Variants in VARS1 observed in about 807,000 individuals in gnomAD.
VARS1 encodes the protein valyl-tRNA synthetase 1, also known as valine--tRNA ligase.
A neutral mutation model predicts 161.0 loss-of-function variants in VARS1; 92 were observed. That is an observed-to-expected ratio of 0.57 (90% CI 0.48 to 0.68). VARS1 has a LOEUF of 0.68. Ranked by LOEUF, VARS1 falls within the 30% of genes least tolerant of loss-of-function variation. The pLI is 0.00. For synonymous variants in VARS1, 595 were observed against 682.5 expected (o/e 0.87, Z 2.00); for missense variants, 1,338 against 1,695.9 (o/e 0.79, Z 3.71).
intron 3 of VARS1, 25 bp from the exon 4 acceptor site, chr6:31,792,920 TCTC>T: frequency 6.2e-6 from 10 of 1,614,174 alleles, no homozygotes; most frequent in Non-Finnish European, 8.5e-6. Flanking sequence ...AAATGACTCT[TCTC>T]AGTCACCCTA....
intron 4 of VARS1, 117 bp from the exon 5 acceptor site, chr6:31,792,633 C>A (rs573539018): frequency 9.4e-6 from 15 of 1,590,304 alleles, no homozygotes; most frequent in Admixed American, 1.7e-5. Flanking sequence ...TGACCTCCCC[C>A]CTCTCCCTCC....
At position 31,782,016 on chromosome 6, in the gene VARS1, C is replaced by A; in HGVS notation, c.2242-64G>T. The stretch of plus-strand genomic sequence containing the variant: ...GCTTCTGGCTCACCCTGCCCCTCCC[C>A]CCACCAAGGACCCAGTAAACCCACC... On this transcript the variant is annotated intron_variant, in intron 18 of 29. Coordinates refer to ENST00000375663, the MANE Select transcript of VARS1 (RefSeq NM_006295.3). The surrounding 1 kb of genome is among the most constrained non-coding windows in gnomAD (Gnocchi z 8.3). 1 of 1,612,550 alleles carries A rather than the reference C, an allele frequency of 6.2e-7. No homozygotes were observed. Among genetic ancestry groups the A allele is most frequent in the South Asian group, 1.1e-5 (1 of 91,058 alleles).
Position 31,782,017 on chromosome 6 carries a change from C to T in VARS1, c.2242-65G>A. The T allele has an allele frequency of 1.9e-6, 3 of 1,612,506 alleles. No homozygotes were observed. The highest frequency in any genetic ancestry group is 1.3e-5 in the African/African-American group (1 of 74,922). ...CTTCTGGCTCACCCTGCCCCTCCCC[C>T]CACCAAGGACCCAGTAAACCCACCA... On this transcript the variant is annotated intron_variant, in intron 18 of 29. Coordinates refer to ENST00000375663, the MANE Select transcript of VARS1 (RefSeq NM_006295.3). The surrounding 1 kb of genome is among the most constrained non-coding windows in gnomAD (Gnocchi z 8.3).
At position 31,784,155 on chromosome 6, in the gene VARS1, A is replaced by C. The variant is rs1702854456; in HGVS notation, c.1671+59T>G. ...GGCCTAAGTCCAACCCCTCCACCCC[A>C]TAAGGATGGGAGCCCTTTTTGGCCA... On this transcript the variant is annotated intron_variant, in intron 13 of 29. Coordinates refer to ENST00000375663, the MANE Select transcript of VARS1 (RefSeq NM_006295.3). The surrounding 1 kb of genome is among the most constrained non-coding windows in gnomAD (Gnocchi z 6.1). The C allele has an allele frequency of 1.9e-6, 3 of 1,602,696 alleles. No individual in the cohort carries two copies. Among genetic ancestry groups the C allele is most frequent in the African/African-American group, 2.7e-5 (2 of 74,722 alleles).
chr6:31,794,903 C>T lies in VARS1; in HGVS notation c.315G>A (p.Thr105=), dbSNP rs1266067934. ...CTCCACAGGCAGCTGGTATTAACTC[C>T]GTGTCGGCGTAACTGACCCACTGTT... is the stretch of plus-strand genomic sequence containing the variant. ...LVQQWVSYAD[T]ELIPAACGAT... is the part of the protein sequence containing the mutation. Residue 105 remains threonine (T), a synonymous_variant, in exon 2 of 30, where the codon ACG becomes ACA. Coordinates refer to ENST00000375663, the MANE Select transcript of VARS1 (RefSeq NM_006295.3). 2 of 1,612,954 alleles carry T rather than the reference C, an allele frequency of 1.2e-6. No individual in the cohort carries two copies. Among genetic ancestry groups the T allele is most frequent in the African/African-American group, 1.3e-5 (1 of 75,038 alleles).
chr6:31,788,560 A>T (rs1813665375), intron 8 of VARS1, among the ~76,000 whole-genome samples: 1 of 150,728 alleles, frequency 6.6e-6, no homozygotes, highest in Non-Finnish European at 1.5e-5. Flanking sequence ...TAATCCCAGC[A>T]CTTTGGGAGG....
rs528995637 is a variant in VARS1, at chr6:31,792,038, A to G, written c.872-67T>C. The G allele has an allele frequency of 7.4e-6, 11 of 1,490,826 alleles. No individual in the cohort carries two copies. In the African/African-American group the frequency reaches 1.5e-4, roughly 21 times the overall value. 92.3% of individuals were successfully genotyped at this position (1,490,826 alleles called of 1,614,324 possible). ...CACTCTGGGAAGGAGACGTGCTGGC[A>G]GAGAGGGATCGGGATCTCCGTCACT... is the stretch of plus-strand genomic sequence containing the variant. On this transcript the variant is annotated intron_variant, in intron 6 of 29. Coordinates refer to ENST00000375663, the MANE Select transcript of VARS1 (RefSeq NM_006295.3).
In VARS1 at chr6:31,784,066, A is replaced by G; in HGVS notation, c.1671+148T>C. 1 of 865,484 alleles carries G rather than the reference A, an allele frequency of 1.2e-6. No homozygotes were observed. Among genetic ancestry groups the G allele is most frequent in the Non-Finnish European group, 1.8e-6 (1 of 543,022 alleles). 53.6% of individuals were successfully genotyped at this position (865,484 alleles called of 1,614,324 possible). A position where few individuals can be genotyped will look rare whatever the true frequency, so the allele number is the denominator to read the frequency against. On this transcript the variant is annotated intron_variant, in intron 13 of 29. Coordinates refer to ENST00000375663, the MANE Select transcript of VARS1 (RefSeq NM_006295.3). This position sits in a 1 kb window ranked among gnomAD's most constrained non-coding sequence, Gnocchi z 6.1. ...CCCCCAAACAGTCCCCAATAGCTCT[A>G]CCCTCAGAGCTGGGAAAGAAGCTGA...
rs778859366 is a variant in VARS1 at position 31,782,123 on chromosome 6, A to G, written c.2205T>C (p.Phe735=). The change falls in exon 18 of 30, where the codon TTT becomes TTC. Residue 735 remains phenylalanine, a synonymous_variant. Coordinates refer to ENST00000375663, the MANE Select transcript of VARS1 (RefSeq NM_006295.3). The surrounding 1 kb of genome is among the most constrained non-coding windows in gnomAD (Gnocchi z 8.3). ...GCACCGCTGGGTCACTGACAGTGACAAAGTAGGCTGGGATGCGATGGCCCC... is the reference window on the plus strand; with the variant it reads ...GCACCGCTGGGTCACTGACAGTGACGAAGTAGGCTGGGATGCGATGGCCCC... ...LWWGHRIPAY[F]VTVSDPAVPP... 6.2e-7 allele frequency: 1 copy of G among 1,613,920 alleles called. No individual in the cohort carries two copies. Among genetic ancestry groups the G allele is most frequent in the South Asian group, 1.1e-5 (1 of 91,076 alleles).
In VARS1 at chr6:31,794,896, T is replaced by G; in HGVS notation, c.322A>C (p.Ile108Leu). The G allele has an allele frequency of 1.9e-6, 3 of 1,612,894 alleles. No individual in the cohort carries two copies. Among genetic ancestry groups the G allele is most frequent in the Non-Finnish European group, 2.5e-6 (3 of 1,179,934 alleles). The change falls in exon 2 of 30, where the codon ATA (isoleucine) becomes CTA (leucine). Residue 108 changes from isoleucine to leucine, a missense_variant. Coordinates refer to ENST00000375663, the MANE Select transcript of VARS1 (RefSeq NM_006295.3). ...QWVSYADTELIPAACGATLPA... is the reference protein window; with the variant it reads ...QWVSYADTELLPAACGATLPA... ...AGCGTTGCTCCACAGGCAGCTGGTA[T>G]TAACTCCGTGTCGGCGTAACTGACC...
Position 31,780,209 on chromosome 6 carries a change from TG to T in VARS1, c.2926-57del. The T allele has an allele frequency of 6.2e-7, 1 of 1,603,552 alleles. No individual in the cohort carries two copies. Among genetic ancestry groups the T allele is most frequent in the Non-Finnish European group, 8.5e-7 (1 of 1,177,318 alleles). ...GCCAGGGGAGGGTGCCAGAACCCCA[TG>T]GGGGCAGGAGTCATGGGCAAATCTT... On this transcript the variant is annotated intron_variant, in intron 25 of 29. Coordinates refer to ENST00000375663, the MANE Select transcript of VARS1 (RefSeq NM_006295.3). This position sits in a 1 kb window ranked among gnomAD's most constrained non-coding sequence, Gnocchi z 5.1.
rs1304761116 is a variant in VARS1 at position 31,782,864 on chromosome 6, G to A, written c.1763-19C>T. 6.2e-7 allele frequency: 1 copy of A among 1,605,302 alleles called. No homozygotes were observed. The highest frequency in any genetic ancestry group is 8.5e-7 in the Non-Finnish European group (1 of 1,176,088). On this transcript the variant is annotated intron_variant, in intron 14 of 29. Coordinates refer to ENST00000375663, the MANE Select transcript of VARS1 (RefSeq NM_006295.3). The surrounding 1 kb of genome is among the most constrained non-coding windows in gnomAD (Gnocchi z 8.3). ...ACAGCACCTGGGTGTACATCAGGAT[G>A]CCCAGGTCATGAGGGACTCCACGGA...
At chr6:31,789,980 G>C (rs1019037949) in intron 8 of VARS1, among the ~76,000 whole-genome samples, 1 of 151,748 alleles carries the variant, frequency 6.6e-6, no homozygotes, top group Non-Finnish European at 1.5e-5. Flanking sequence ...GCAGTGAGCC[G>C]AGACTGTGCC....
rs771541788 is a variant in VARS1, at chr6:31,784,759, G to A, written c.1348-45C>T. On this transcript the variant is annotated intron_variant, in intron 10 of 29. Coordinates refer to ENST00000375663, the MANE Select transcript of VARS1 (RefSeq NM_006295.3). The surrounding 1 kb of genome is among the most constrained non-coding windows in gnomAD (Gnocchi z 6.1). ...AGTCAGAGAGATGGGCCTTGTGCCT[G>A]GAGGCCCAGGCAGACACCCAGGGCT... 6 of 1,610,942 alleles carry A rather than the reference G, an allele frequency of 3.7e-6. No homozygotes were observed. Among genetic ancestry groups the A allele is most frequent in the Non-Finnish European group, 5.1e-6 (6 of 1,179,010 alleles).
chr6:31,779,577 G>A lies in VARS1; in HGVS notation c.3288+31C>T. 6.2e-7 allele frequency: 1 copy of A among 1,611,476 alleles called. No homozygotes were observed. The highest frequency in any genetic ancestry group is 1.1e-5 in the South Asian group (1 of 91,050). On this transcript the variant is annotated intron_variant, in intron 27 of 29. Transcript: ENST00000375663. The surrounding 1 kb of genome is among the most constrained non-coding windows in gnomAD (Gnocchi z 9.1). ...GGGGGTGAGGGGGCCTGGAGGGCAGGTCAGACTCCCCTCTCCAGGCCATGC... is the reference window on the plus strand; with the variant it reads ...GGGGGTGAGGGGGCCTGGAGGGCAGATCAGACTCCCCTCTCCAGGCCATGC...
Position 31,792,366 on chromosome 6 carries a change from TCCTTCCAGCTCCACCCTCGCCTCA to T in VARS1, c.786+2_786+25del, listed in dbSNP as rs775057580. 6.2e-7 allele frequency: 1 copy of T among 1,613,842 alleles called. No homozygotes were observed. Among genetic ancestry groups the T allele is most frequent in the African/African-American group, 1.3e-5 (1 of 74,890 alleles). ...AACCCATCACCGCACACATCAACTT[TCCTTCCAGCTCCACCCTCGCCTCA>T]CCTCCCCTGGAGGTGGCTGCTGCTG... On this transcript the variant is annotated splice_donor_variant and splice_donor_5th_base_variant and intron_variant, in intron 5 of 29. Coordinates refer to ENST00000375663, the MANE Select transcript of VARS1 (RefSeq NM_006295.3). LOFTEE classifies it high-confidence loss of function.
chr6:31,781,151 G>A lies in VARS1; in HGVS notation c.2545-28C>T. 6.2e-7 allele frequency: 1 copy of A among 1,609,980 alleles called. No homozygotes were observed. The highest frequency in any genetic ancestry group is 8.5e-7 in the Non-Finnish European group (1 of 1,178,356). On this transcript the variant is annotated intron_variant, in intron 21 of 29. Transcript: ENST00000375663. The surrounding 1 kb of genome is among the most constrained non-coding windows in gnomAD (Gnocchi z 6.8). The stretch of plus-strand genomic sequence containing the variant: ...GCAGAGCAGGTGGGGAGGCCCATGA[G>A]ACTCAGTCCTCTCCTTCCCCGGCCT...
chr6:31,791,175 T>C lies in VARS1; in HGVS notation c.1100+435A>G, dbSNP rs1813843809. ...CCCCAAAAAAAAATATATATATTCA[T>C]ATGTTCCTAATTAAATTCAAAATAA... On this transcript the variant is annotated intron_variant, in intron 8 of 29. Transcript: ENST00000375663. This position sits in a 1 kb window ranked among gnomAD's most constrained non-coding sequence, Gnocchi z 5.0. Among the ~76,000 whole-genome samples, 1 of 151,828 alleles carries C rather than the reference T, an allele frequency of 6.6e-6. No individual in the cohort carries two copies. The highest frequency in any genetic ancestry group is 2.1e-4 in the South Asian group (1 of 4,818).
At position 31,781,482 on chromosome 6, in the gene VARS1, T is replaced by TTA; in HGVS notation, c.2542_2543insTA (p.Glu848ValfsTer17). 5.0e-6 allele frequency: 8 copies of TTA among 1,612,088 alleles called. No homozygotes were observed. The highest frequency in any genetic ancestry group is 5.9e-6 in the Non-Finnish European group (7 of 1,179,810). ...GGAGGGTCTCGGCTGTCTCCGCACC[T>TTA]CTCTAAAGGGCAGCCTGCCCGTGAG... On this transcript the variant is annotated frameshift_variant and splice_region_variant, in exon 21 of 30. Transcript: ENST00000375663. LOFTEE classifies it high-confidence loss of function. This position sits in a 1 kb window ranked among gnomAD's most constrained non-coding sequence, Gnocchi z 6.8.
Sources: gnomAD v4.1 joint callset for allele counts (sites outside exome capture counted in the v4.1 genomes callset) on GRCh38, gnomAD v4.1.1 for gene constraint, Gnocchi (gnomAD v3.1) non-coding constraint, MANE v1.5 for transcripts, NCBI Gene and HGNC (gene_info 2026-07-23, HGNC 2026-07-21) for gene names.